Variants in LOC131768270 observed in about 807,000 individuals in gnomAD.
chr5:140,566,454 T>G, the LOC131768270 span: 33 of 399,676 alleles, frequency 8.3e-5, no homozygotes, highest in Non-Finnish European at 1.1e-4. Context: ...ATACCACGGT[T>G]GTCCAGGGTG....
the LOC131768270 span, chr5:140,567,009 C>A: frequency 8.8e-7 from 1 of 1,140,748 alleles, no homozygotes; most frequent in Non-Finnish European, 1.3e-6. Flanking sequence ...CCTTACTCTT[C>A]AAGCCCTGAC....
chr5:140,568,229 C>T, the LOC131768270 span: 7 of 1,599,418 alleles, frequency 4.4e-6, no homozygotes, highest in Admixed American at 5.1e-5. Context: ...CTCCCTCTCC[C>T]ATCAGCAGCC....
the LOC131768270 span, chr5:140,568,199 G>C: frequency 6.2e-7 from 1 of 1,612,360 alleles, no homozygotes; most frequent in East Asian, 2.2e-5. Flanking sequence ...GCCACCACCA[G>C]ATCCCCCTCC....
chr5:140,565,806 T>A, the LOC131768270 span: 7 of 397,876 alleles, frequency 1.8e-5, no homozygotes, highest in South Asian at 2.6e-4. Context: ...ATTCCCAGCT[T>A]CTGATGGAAT....
the LOC131768270 span, chr5:140,568,426 G>T: frequency 2.0e-6 from 1 of 497,686 alleles, no homozygotes; most frequent in Admixed American, 3.5e-5. Flanking sequence ...TCAATACCTA[G>T]GCCTGAGAAA....
the LOC131768270 span, chr5:140,564,892 G>T: frequency 2.5e-6 from 1 of 405,076 alleles, no homozygotes; most frequent in Non-Finnish European, 4.4e-6. This position sits in a 1 kb window ranked among gnomAD's most constrained non-coding sequence, Gnocchi z 5.0. Context: ...GCAGCCGGGC[G>T]TGGTCTTCAC....
chr5:140,567,210 C>G, the LOC131768270 span: 1 of 1,614,148 alleles, frequency 6.2e-7, no homozygotes, highest in Non-Finnish European at 8.5e-7. Flanking sequence ...CTGGGCCGTC[C>G]CAGGCAGGCC....
chr5:140,567,121 C>T, the LOC131768270 span: 28 of 1,613,480 alleles, frequency 1.7e-5, no homozygotes, highest in South Asian at 1.4e-4. Flanking sequence ...TTTCCCCAAA[C>T]GTGTTGCAAT....
At chr5:140,568,134 G>A in the LOC131768270 span, 7 of 1,613,038 alleles carry the variant, frequency 4.3e-6, no homozygotes, top group Admixed American at 1.7e-5. Flanking sequence ...CTGTACTATG[G>A]CAGCCGCTAG....
the LOC131768270 span, chr5:140,566,760 T>C: frequency 1.3e-5 from 8 of 596,640 alleles, no homozygotes; most frequent in Non-Finnish European, 2.4e-5. Flanking sequence ...GGGGCCCGAC[T>C]AGCTCTAGGT....
chr5:140,567,817 C>G, the LOC131768270 span: 1 of 1,614,074 alleles, frequency 6.2e-7, no homozygotes, highest in Non-Finnish European at 8.5e-7. Flanking sequence ...AGCGGCTGCC[C>G]CTGGCACTTC....
the LOC131768270 span, chr5:140,568,265 G>C: frequency 6.6e-7 from 1 of 1,515,012 alleles, no homozygotes; most frequent in Non-Finnish European, 9.0e-7. Flanking sequence ...TGTGAGAAAA[G>C]CTGGAGAAGT....
chr5:140,567,188 G>T, the LOC131768270 span: 7 of 1,614,070 alleles, frequency 4.3e-6, no homozygotes, highest in Non-Finnish European at 5.1e-6. Flanking sequence ...AGAGGATGGG[G>T]GTATGCCAGG....
At chr5:140,564,906 C>T in the LOC131768270 span, 1 of 403,070 alleles carries the variant, frequency 2.5e-6, no homozygotes, top group Non-Finnish European at 4.4e-6. This position sits in a 1 kb window ranked among gnomAD's most constrained non-coding sequence, Gnocchi z 5.0. Context: ...TCTTCACTCT[C>T]CTTGACCTTT....
the LOC131768270 span, chr5:140,567,015 C>G: frequency 1.7e-6 from 2 of 1,193,634 alleles, no homozygotes; most frequent in Admixed American, 1.9e-5. Context: ...TCTTCAAGCC[C>G]TGACTGTGGA....
At chr5:140,569,029 CTT>C in the LOC131768270 span, 1 of 167,100 alleles carries the variant, frequency 6.0e-6, no homozygotes, top group African/African-American at 2.4e-5. Context: ...ATCAGTGTCT[CTT>C]TAACTGCATA....
chr5:140,564,869 G>A, the LOC131768270 span: 7 of 405,712 alleles, frequency 1.7e-5, no homozygotes, highest in Admixed American at 4.3e-5. This position sits in a 1 kb window ranked among gnomAD's most constrained non-coding sequence, Gnocchi z 5.0. Flanking sequence ...GTGAGTGGCC[G>A]TGGGGGTGAT....
At chr5:140,568,008 T>G in the LOC131768270 span, 2 of 1,614,082 alleles carry the variant, frequency 1.2e-6, no homozygotes, top group Non-Finnish European at 1.7e-6. Context: ...ATCACACGCC[T>G]CTTTGTGGTG....
chr5:140,567,643 A>C, the LOC131768270 span: 1 of 1,614,152 alleles, frequency 6.2e-7, no homozygotes, highest in Non-Finnish European at 8.5e-7. Flanking sequence ...GCTATGCAGC[A>C]GGGGGCCTTC....
Sources: gnomAD v4.1 joint callset for allele counts on GRCh38, gnomAD v4.1.1 for gene constraint, Gnocchi (gnomAD v3.1) non-coding constraint, MANE v1.5 for transcripts.